Variants in DERL1 observed in about 807,000 individuals in gnomAD.
The protein encoded by DERL1 is derlin 1.
A neutral mutation model predicts 41.6 loss-of-function variants in DERL1; 24 were observed. That is an observed-to-expected ratio of 0.58 (90% confidence interval 0.42 to 0.81). The LOEUF (loss-of-function observed/expected upper bound fraction) is 0.81. DERL1 is among the 30% of genes least tolerant of loss of function. The pLI is 0.00. For synonymous variants in DERL1, 124 were observed against 112.5 expected (o/e 1.10, Z -0.65); for missense variants, 260 against 314.3 (o/e 0.83, Z 1.31).
intron 7 of DERL1, 156 bp downstream of exon 7, chr8:123,019,039 C>T (rs767687504): frequency 1.6e-5 from 11 of 669,916 alleles, no homozygotes; most frequent in Non-Finnish European, 2.7e-5. Context: ...TCCCTAACTT[C>T]CTGTGACTGT....
In DERL1 at chr8:123,015,579, G is replaced by A. The variant is rs929801562; in HGVS notation, c.624C>T (p.Arg208=). The A allele has an allele frequency of 1.9e-6, 3 of 1,608,822 alleles. No individual in the cohort carries two copies. The highest frequency in any genetic ancestry group is 2.5e-6 in the Non-Finnish European group (3 of 1,177,480). ...NFLSTPQFLY[R]WLPSRRGGVS... ...CTCCTCCTCTCCTACTGGGCAGCCA[G>A]CGGTACCTGGTGCAGAAAGACGGGG... The change falls in exon 8 of 8, where the codon CGC becomes CGT. Residue 208 remains arginine, a synonymous_variant. Transcript: ENST00000259512.
intron 3 of DERL1, 114 bp from the exon 4 acceptor site, chr8:123,023,853 C>T: frequency 2.5e-6 from 3 of 1,210,850 alleles, no homozygotes; most frequent in Non-Finnish European, 3.5e-6. Context: ...TAATTTGGCT[C>T]ATGCTTGTAA....
intron 7 of DERL1, 52 bp from the exon 8 acceptor site, chr8:123,015,637 C>T (rs1237872518): frequency 6.4e-7 from 1 of 1,554,880 alleles, no homozygotes; most frequent in Non-Finnish European, 8.7e-7. Context: ...AAAGTCACTT[C>T]CACATAGTTA....
chr8:123,037,946 G>A (rs1478370049), intron 1 of DERL1, among the ~76,000 whole-genome samples: 1 of 152,184 alleles, frequency 6.6e-6, no homozygotes, highest in African/African-American at 2.4e-5. Flanking sequence ...GTTAATCAAC[G>A]ATTAATATGA....
chr8:123,022,918 T>C, intron 4 of DERL1, 139 bp from the exon 5 acceptor site: 1 of 582,022 alleles, frequency 1.7e-6, no homozygotes, highest in Non-Finnish European at 3.1e-6. Flanking sequence ...GAATTATAAA[T>C]TGATCCTATT....
chr8:123,039,046 CAGT>C (rs2130498457), intron 1 of DERL1, among the ~76,000 whole-genome samples: 2 of 152,342 alleles, frequency 1.3e-5, no homozygotes, highest in African/African-American at 4.8e-5. Context: ...CCTGTGAAAA[CAGT>C]AGTATCTTTC....
At chr8:123,023,649 A>T in intron 4 of DERL1, 64 bp downstream of exon 4, 1 of 1,523,550 alleles carries the variant, frequency 6.6e-7, no homozygotes, top group Non-Finnish European at 8.9e-7. Flanking sequence ...CTTCTGACAA[A>T]GGCCACTAAT....
chr8:123,028,063 CAAAA>C (rs35730113), intron 2 of DERL1, among the ~76,000 whole-genome samples: 2 of 101,264 alleles, frequency 2.0e-5, no homozygotes. Context: ...AACTGTATCT[CAAAA>C]AAAAAAAAAA....
rs533954635 is a variant in DERL1, at chr8:123,015,440, C to T, written c.*7G>A. On this transcript the variant is annotated 3_prime_UTR_variant, in exon 8 of 8. Coordinates refer to ENST00000259512, the MANE Select transcript of DERL1 (RefSeq NM_024295.6). Reference sequence around the variant, plus strand: ...CTTGAGAGGAGCGGCTGCCCGAGGCCGCCCCTTCACTGGTCTCCAAGTCGA... The same window carrying T: ...CTTGAGAGGAGCGGCTGCCCGAGGCTGCCCCTTCACTGGTCTCCAAGTCGA... 5.0e-5 allele frequency: 80 copies of T among 1,611,348 alleles called. No homozygotes were observed. Among genetic ancestry groups the T allele is most frequent in the African/African-American group, 3.1e-4 (23 of 74,992 alleles).
At chr8:123,032,139 T>C (rs541215089) in intron 1 of DERL1, among the ~76,000 whole-genome samples, 2 of 149,836 alleles carry the variant, frequency 1.3e-5, no homozygotes, top group East Asian at 1.9e-4. Flanking sequence ...ATTTACATTT[T>C]TTTTTTCCCC....
intron 1 of DERL1, among the ~76,000 whole-genome samples, chr8:123,035,416 G>T (rs1812905407): frequency 6.6e-6 from 1 of 152,150 alleles, no homozygotes; most frequent in South Asian, 2.1e-4. Flanking sequence ...TCCTCGACCT[G>T]ATATGTAAAC....
At chr8:123,038,580 C>T (rs1812980155) in intron 1 of DERL1, among the ~76,000 whole-genome samples, 1 of 152,152 alleles carries the variant, frequency 6.6e-6, no homozygotes, top group African/African-American at 2.4e-5. Context: ...CCTTATACAC[C>T]CGCAGCCTGT....
chr8:123,039,587 C>G (rs981382284), intron 1 of DERL1, among the ~76,000 whole-genome samples: 30 of 152,352 alleles, frequency 2.0e-4, no homozygotes, highest in African/African-American at 6.7e-4. Context: ...CTACCCAAAG[C>G]TGGCTGGCTG....
chr8:123,028,074 A>C (rs895937488), intron 2 of DERL1, among the ~76,000 whole-genome samples: 2 of 152,120 alleles, frequency 1.3e-5, no homozygotes, highest in Non-Finnish European at 2.9e-5. Flanking sequence ...AAAAAAAAAA[A>C]AAAAAAAAAG....
rs549560187 is a variant in DERL1, at chr8:123,020,974, A to G, written c.506+473T>C. 4.7e-3 allele frequency among the ~76,000 whole-genome samples: 721 copies of G among 151,978 alleles called. 6 individuals are homozygous for G. The highest frequency in any genetic ancestry group is 0.016 in the African/African-American group (664 of 41,460). On this transcript the variant is annotated intron_variant, in intron 6 of 7. Transcript: ENST00000259512. ...AAAGTGAAACTTCGTCTCAAAAAAA[A>G]AAAAAAAAAAGTTCTGTATCATCAA...
Position 123,042,291 on chromosome 8 carries a change from A to G in DERL1, c.-169T>C. ...TGGCGCCACCGAATTCGGACCAGCG[A>G]GGCAGCCTTCTGAGGCGAAACTTCC... On this transcript the variant is annotated 5_prime_UTR_variant, in exon 1 of 8. Transcript: ENST00000259512. 1.1e-6 allele frequency: 1 copy of G among 931,896 alleles called. No homozygotes were observed. Among genetic ancestry groups the G allele is most frequent in the Non-Finnish European group, 1.5e-6 (1 of 661,510 alleles). The allele number at this position is 931,896 out of a possible 1,614,324, so 57.7% of individuals were successfully genotyped here.
At chr8:123,041,855 G>A in intron 1 of DERL1, 115 bp downstream of exon 1, 1 of 1,385,482 alleles carries the variant, frequency 7.2e-7, no homozygotes, top group South Asian at 1.5e-5. Flanking sequence ...GCCGGCGCCG[G>A]ACCCACTACA....
Position 123,025,019 on chromosome 8 carries a change from T to C in DERL1, c.297A>G (p.Leu99=). 6.2e-7 allele frequency: 1 copy of C among 1,613,800 alleles called. No individual in the cohort carries two copies. The highest frequency in any genetic ancestry group is 1.3e-5 in the African/African-American group (1 of 74,990). Residue 99 remains leucine, a synonymous_variant, in exon 3 of 8, where the codon TTA becomes TTG. Coordinates refer to ENST00000259512, the MANE Select transcript of DERL1 (RefSeq NM_024295.6). The part of the protein sequence containing the change: ...GAFDGRPADY[L]FMLLFNWICI... The stretch of plus-strand genomic sequence containing the variant: ...AAATCCAGTTAAAGAGGAGCATGAA[T>C]AAATAGTCTGCTGGCCTCCCATCAA...
At chr8:123,025,115 A>G (rs1330119929) in intron 2 of DERL1, 65 bp from the exon 3 acceptor site, 1 of 1,518,608 alleles carries the variant, frequency 6.6e-7, no homozygotes, top group African/African-American at 1.4e-5. Context: ...ATCTACATAG[A>G]GAAACACTTC....
Sources: gnomAD v4.1 joint callset for allele counts (sites outside exome capture counted in the v4.1 genomes callset) on GRCh38, gnomAD v4.1.1 for gene constraint, MANE v1.5 for transcripts, NCBI Gene and HGNC (gene_info 2026-07-23, HGNC 2026-07-21) for gene names.